EGFLAM: variants seen among roughly 807,000 people sequenced by gnomAD.
EGFLAM encodes pikachurin.
EGFLAM carries 79 observed loss-of-function variants against 113.1 expected under a neutral mutation model. The ratio of observed to expected loss-of-function variants is 0.70; its 90% confidence interval spans 0.58 to 0.84. EGFLAM has a LOEUF of 0.84. EGFLAM is among the 40% of genes least tolerant of loss of function. EGFLAM has a pLI of 0.00. For synonymous variants in EGFLAM, 504 were observed against 487.6 expected (o/e 1.03, Z -0.44); for missense variants, 1,265 against 1,291.6 (o/e 0.98, Z 0.32).
intron 5 of EGFLAM, among the ~76,000 whole-genome samples, chr5:38,364,161 T>C (rs1185930615): frequency 6.6e-6 from 1 of 152,164 alleles, no homozygotes; most frequent in Non-Finnish European, 1.5e-5. Flanking sequence ...ATGTATGGAG[T>C]ATCTCATGTG....
intron 11 of EGFLAM, among the ~76,000 whole-genome samples, chr5:38,414,919 G>A (rs964835236): frequency 4.6e-5 from 7 of 152,136 alleles, no homozygotes; most frequent in Admixed American, 2.0e-4. Context: ...TCTCAGGAGA[G>A]GGGGGCATCC....
chr5:38,319,365 A>G (rs1738684438), intron 1 of EGFLAM, among the ~76,000 whole-genome samples: 1 of 152,202 alleles, frequency 6.6e-6, no homozygotes, highest in Non-Finnish European at 1.5e-5. Context: ...GGTTGATGGG[A>G]GGCTGGATAC....
At chr5:38,383,941 T>C (rs970898009) in intron 6 of EGFLAM, among the ~76,000 whole-genome samples, 2 of 151,978 alleles carry the variant, frequency 1.3e-5, no homozygotes, top group Admixed American at 6.5e-5. Flanking sequence ...TGATAGGAAG[T>C]GAGGTCAGAA....
chr5:38,357,345 T>C, intron 5 of EGFLAM, among the ~76,000 whole-genome samples: 1 of 152,168 alleles, frequency 6.6e-6, no homozygotes, highest in Non-Finnish European at 1.5e-5. Flanking sequence ...GGCACTTTGA[T>C]CTTGGACTTC....
intron 17 of EGFLAM, among the ~76,000 whole-genome samples, chr5:38,440,899 T>C (rs1742511952): frequency 1.3e-5 from 2 of 152,174 alleles, no homozygotes; most frequent in Non-Finnish European, 2.9e-5. Context: ...TTCAGCCTCA[T>C]CAGAGAGTGT....
At chr5:38,412,755 C>A in intron 11 of EGFLAM, 107 bp downstream of exon 11, 1 of 1,459,676 alleles carries the variant, frequency 6.9e-7, no homozygotes, top group Non-Finnish European at 9.0e-7. Context: ...GATTCAAGTT[C>A]TGGATGGGCT....
chr5:38,342,246 A>G (rs935457197), intron 3 of EGFLAM, among the ~76,000 whole-genome samples: 31 of 152,164 alleles, frequency 2.0e-4, no homozygotes, highest in African/African-American at 7.2e-4. Context: ...ACCTCTCTGA[A>G]GGTTGAAGTA....
At chr5:38,284,730 A>G (rs910312199) in intron 1 of EGFLAM, among the ~76,000 whole-genome samples, 7 of 152,226 alleles carry the variant, frequency 4.6e-5, no homozygotes, top group African/African-American at 1.7e-4. Context: ...GGTTGTTGTA[A>G]TGGTTGAAAT....
intron 19 of EGFLAM, among the ~76,000 whole-genome samples, chr5:38,455,773 A>G (rs539730800): frequency 6.6e-6 from 1 of 152,258 alleles, no homozygotes; most frequent in East Asian, 1.9e-4. Context: ...GACTCCCTAG[A>G]GCACATTCTA....
At chr5:38,391,619 G>A (rs10214412) in intron 6 of EGFLAM, among the ~76,000 whole-genome samples, 36,995 of 151,460 alleles carry the variant, frequency 0.24, 4,840 homozygotes, top group African/African-American at 0.33. Flanking sequence ...GGCTGGTCTC[G>A]AACTCGACTT....
At chr5:38,383,390 A>G (rs185144197) in intron 6 of EGFLAM, among the ~76,000 whole-genome samples, 2 of 152,184 alleles carry the variant, frequency 1.3e-5, no homozygotes, top group African/African-American at 2.4e-5. Flanking sequence ...GTGATGAGAA[A>G]GGCTACAAAC....
Position 38,464,152 on chromosome 5 carries a change from C to A in EGFLAM, c.*166C>A. 1 of 905,140 alleles carries A rather than the reference C, an allele frequency of 1.1e-6. No homozygotes were observed. The highest frequency in any genetic ancestry group is 1.6e-6 in the Non-Finnish European group (1 of 620,002). The allele number at this position is 905,140 out of a possible 1,614,324, so 56.1% of individuals were successfully genotyped here. On this transcript the variant is annotated 3_prime_UTR_variant, in exon 22 of 22. Coordinates refer to ENST00000322350, the MANE Select transcript of EGFLAM (RefSeq NM_152403.4). Reference sequence around the variant, plus strand: ...AAACTGAGAACCAAGACAGGCATCCCTGGGTGGCCTTTCCTGCTGACACTC... The same window carrying A: ...AAACTGAGAACCAAGACAGGCATCCATGGGTGGCCTTTCCTGCTGACACTC...
chr5:38,325,878 C>T (rs1431452033), intron 1 of EGFLAM, among the ~76,000 whole-genome samples: 1 of 151,680 alleles, frequency 6.6e-6, no homozygotes, highest in Non-Finnish European at 1.5e-5. Flanking sequence ...ATTTTATTTA[C>T]CTTTATTTTC....
At chr5:38,281,199 T>C (rs1758003709) in intron 1 of EGFLAM, among the ~76,000 whole-genome samples, 2 of 152,166 alleles carry the variant, frequency 1.3e-5, no homozygotes, top group South Asian at 4.1e-4. Context: ...TCTTCTTAGG[T>C]TCTTTTACCA....
At chr5:38,309,004 A>C (rs1193512549) in intron 1 of EGFLAM, among the ~76,000 whole-genome samples, 1 of 152,240 alleles carries the variant, frequency 6.6e-6, no homozygotes, top group African/African-American at 2.4e-5. Flanking sequence ...CAGACTCACA[A>C]GAGCCAATTG....
intron 9 of EGFLAM, 119 bp downstream of exon 9, chr5:38,408,024 T>A (rs1741350719): frequency 1.4e-6 from 1 of 701,684 alleles, no homozygotes. Flanking sequence ...AAGGTAAATA[T>A]GACACAGAGC....
intron 6 of EGFLAM, among the ~76,000 whole-genome samples, chr5:38,387,337 A>G (rs902899549): frequency 1.3e-5 from 2 of 152,004 alleles, no homozygotes; most frequent in Non-Finnish European, 2.9e-5. Context: ...CTCCCTGCCA[A>G]CCCCTTGATT....
In EGFLAM at chr5:38,356,993, C is replaced by T. The variant is rs539717997; in HGVS notation, c.545+4662C>T. 3.3e-4 allele frequency among the ~76,000 whole-genome samples: 50 copies of T among 152,228 alleles called. No homozygotes were observed. The South Asian group carries it at 0.01, about 31-fold the overall frequency. On this transcript the variant is annotated intron_variant, in intron 5 of 21. Coordinates refer to ENST00000322350, the MANE Select transcript of EGFLAM (RefSeq NM_152403.4). ...AGAGCCCTCAGGAATAAGATTAGTGCCATTATAAAAAAAGCCCAGGAGGTC... is the reference window on the plus strand; with the variant it reads ...AGAGCCCTCAGGAATAAGATTAGTGTCATTATAAAAAAAGCCCAGGAGGTC...
At chr5:38,378,405 A>G (rs1265866016) in intron 6 of EGFLAM, among the ~76,000 whole-genome samples, 2 of 152,288 alleles carry the variant, frequency 1.3e-5, no homozygotes, top group African/African-American at 2.4e-5. Flanking sequence ...TCATAGAGCC[A>G]CAGAATAGAT....
Sources: allele counts gnomAD v4.1 joint callset (sites outside exome capture counted in the v4.1 genomes callset), GRCh38; gene constraint gnomAD v4.1.1; transcripts MANE v1.5; gene names NCBI Gene and HGNC (gene_info 2026-07-23, HGNC 2026-07-21).